Variants in LARS1 observed in about 807,000 individuals in gnomAD.
The protein encoded by LARS1 is leucyl-tRNA synthetase 1.
In LARS1, 100 loss-of-function variants were observed where a neutral mutation model predicts 162.8. That is an observed-to-expected ratio of 0.61 (90% CI 0.52 to 0.73). The LOEUF is 0.73. Among genes scored for constraint, LARS1 ranks in the 30% least tolerant of loss-of-function variants. The pLI is 0.00. For missense variants in LARS1, 1,258 were observed against 1,408.9 expected (o/e 0.89, Z 1.71); for synonymous variants, 457 against 462.8 (o/e 0.99, Z 0.16).
At position 146,140,235 on chromosome 5, in the gene LARS1, G is replaced by A. The variant is rs1752711844; in HGVS notation, c.2117C>T (p.Ala706Val). 2 of 1,611,514 alleles carry A rather than the reference G, an allele frequency of 1.2e-6. No homozygotes were observed. Among genetic ancestry groups the A allele is most frequent in the Non-Finnish European group, 8.5e-7 (1 of 1,177,736 alleles). Residue 706 changes from alanine (A) to valine (V), a missense_variant, in exon 21 of 32, where the codon GCA becomes GTA. Ala to Val is a moderately conservative substitution (Grantham distance 64, BLOSUM62 0). Transcript: ENST00000394434. ...AGAGTTCAGGAGGAGATGTCCATTTGCTCTCACAGCTGTAGGCCATTTGTC... is the reference window on the plus strand; with the variant it reads ...AGAGTTCAGGAGGAGATGTCCATTTACTCTCACAGCTGTAGGCCATTTGTC... ...QSDKWPTAVRANGHLLLNSEK... is the reference protein window; with the variant it reads ...QSDKWPTAVRVNGHLLLNSEK...
Position 146,131,004 on chromosome 5 carries a change from G to GA in LARS1, c.2487+14dup, listed in dbSNP as rs1752252990. 7 of 1,454,720 alleles carry GA rather than the reference G, an allele frequency of 4.8e-6. No homozygotes were observed. The highest frequency in any genetic ancestry group is 1.8e-4 in the Middle Eastern group (1 of 5,636). The allele number at this position is 1,454,720 out of a possible 1,614,324, so 90.1% of individuals were successfully genotyped here. A position where few individuals can be genotyped will look rare whatever the true frequency, so the allele number is the denominator to read the frequency against. On this transcript the variant is annotated intron_variant, in intron 24 of 31. Coordinates refer to ENST00000394434, the MANE Select transcript of LARS1 (RefSeq NM_020117.11). ...TTGACATGTTTTATAGCTACCAAAA[G>GA]AATCAACAGCCTACCTGAAACTCAA... is the stretch of plus-strand genomic sequence containing the variant.
At chr5:146,123,881 CA>C in intron 29 of LARS1, 100 bp downstream of exon 29, 1 of 567,650 alleles carries the variant, frequency 1.8e-6, no homozygotes, top group East Asian at 3.0e-5. Context: ...AGATACTAAA[CA>C]CAGAAGATGA....
intron 5 of LARS1, among the ~76,000 whole-genome samples, chr5:146,165,083 A>C (rs62373794): frequency 0.22 from 33,777 of 151,974 alleles, 4,786 homozygotes; most frequent in Admixed American, 0.33. Flanking sequence ...CACCTGTAAT[A>C]TCAGCACTTT....
At chr5:146,133,485 C>A (rs1273145580) in intron 22 of LARS1, among the ~76,000 whole-genome samples, 1 of 152,110 alleles carries the variant, frequency 6.6e-6, no homozygotes, top group Non-Finnish European at 1.5e-5. Context: ...AGAATACACA[C>A]TGGTGCCTTA....
In LARS1 at chr5:146,157,436, G is replaced by A. The variant is rs749791589; in HGVS notation, c.1032C>T (p.Gly344=). The stretch of plus-strand genomic sequence containing the variant: ...TTAATTCCTTAACAACAGGCACCAC[G>A]CCATTGTCTTTGGTAAAGCCCTGGT... ...MSYQGFTKDN[G]VVPVVKELMG... is the part of the protein sequence containing the mutation. The change falls in exon 10 of 32, where the codon GGC becomes GGT. Residue 344 remains glycine, a synonymous_variant. Coordinates refer to ENST00000394434, the MANE Select transcript of LARS1 (RefSeq NM_020117.11). 1.6e-5 allele frequency: 26 copies of A among 1,613,770 alleles called. No homozygotes were observed. Among genetic ancestry groups the A allele is most frequent in the Middle Eastern group, 3.3e-4 (2 of 6,084 alleles).
chr5:146,162,517 T>C (rs1017747564), intron 6 of LARS1, among the ~76,000 whole-genome samples: 1 of 152,206 alleles, frequency 6.6e-6, no homozygotes, highest in African/African-American at 2.4e-5. Context: ...GGCTTTATTT[T>C]TCCATTTACA....
At chr5:146,151,132 T>G (rs1411390363) in intron 14 of LARS1, among the ~76,000 whole-genome samples, 2 of 152,168 alleles carry the variant, frequency 1.3e-5, no homozygotes, top group African/African-American at 4.8e-5. Context: ...TACTTCAGAA[T>G]GGGGTTATTT....
chr5:146,138,709 A>G (rs1435004921), intron 21 of LARS1: 1 of 155,290 alleles, frequency 6.4e-6, no homozygotes. Context: ...ACCCTGGGCA[A>G]CAGTATGAGA....
At chr5:146,159,539 T>G (rs1753684208) in intron 7 of LARS1, 69 bp from the exon 8 acceptor site, 8 of 1,177,642 alleles carry the variant, frequency 6.8e-6, no homozygotes, top group Non-Finnish European at 1.0e-5. Flanking sequence ...TATTTGCCTG[T>G]GTTGCACCTA....
chr5:146,143,008 T>C lies in LARS1; in HGVS notation c.1954A>G (p.Lys652Glu). The C allele has an allele frequency of 2.5e-6, 4 of 1,614,006 alleles. No individual in the cohort carries two copies. Among genetic ancestry groups the C allele is most frequent in the South Asian group, 1.1e-5 (1 of 91,078 alleles). The change falls in exon 20 of 32, where the codon AAG becomes GAG. Residue 652 changes from lysine (K) to glutamate (E), a missense_variant. Physicochemically the swap from Lys to Glu is moderately conservative, Grantham distance 56. Coordinates refer to ENST00000394434, the MANE Select transcript of LARS1 (RefSeq NM_020117.11). ...EAPFPKTQIAKEKLDQLKQEF... is the reference protein window; with the variant it reads ...EAPFPKTQIAEEKLDQLKQEF... ...TGCTTTAACTGATCTAATTTTTCCT[T>C]TGCAATCTGAGTCTTAGGAAATGGA...
chr5:146,148,542 C>T (rs1368916722), intron 15 of LARS1, among the ~76,000 whole-genome samples: 1 of 152,092 alleles, frequency 6.6e-6, no homozygotes, highest in Non-Finnish European at 1.5e-5. Context: ...TAAGCCATGT[C>T]TCAAAAATGT....
chr5:146,122,620 T>C (rs761526829), intron 29 of LARS1, 33 bp from the exon 30 acceptor site: 2 of 1,216,564 alleles, frequency 1.6e-6, no homozygotes, highest in Non-Finnish European at 2.4e-6. Context: ...AAGTTATTAG[T>C]ATCACTTAAT....
intron 2 of LARS1, among the ~76,000 whole-genome samples, chr5:146,174,046 C>A (rs1461280755): frequency 6.8e-6 from 1 of 146,970 alleles, no homozygotes; most frequent in East Asian, 2.1e-4. Context: ...TTTTAAATTA[C>A]CTTAAAGTTA....
At chr5:146,161,718 A>C (rs1581068244) in intron 6 of LARS1, among the ~76,000 whole-genome samples, 1 of 149,834 alleles carries the variant, frequency 6.7e-6, no homozygotes, top group South Asian at 2.1e-4. Context: ...ATGCCATTGC[A>C]CTCCAGCCTG....
intron 19 of LARS1, 101 bp downstream of exon 19, chr5:146,143,311 A>G: frequency 1.4e-6 from 2 of 1,448,946 alleles, no homozygotes; most frequent in East Asian, 2.3e-5. Flanking sequence ...ATCATGACAA[A>G]ATTCTGTGAA....
intron 6 of LARS1, among the ~76,000 whole-genome samples, chr5:146,163,317 A>C (rs72822286): frequency 0.22 from 33,889 of 152,114 alleles, 4,829 homozygotes; most frequent in Admixed American, 0.34. Flanking sequence ...AACTTTCTCC[A>C]TATCTGCAAT....
chr5:146,177,957 G>A (rs1190709708), intron 1 of LARS1, among the ~76,000 whole-genome samples: 27 of 152,018 alleles, frequency 1.8e-4, no homozygotes, highest in Admixed American at 1.8e-3. Flanking sequence ...AATTAGCTGG[G>A]CGTGGTGGCG....
chr5:146,154,724 G>A (rs1314718963), intron 10 of LARS1, among the ~76,000 whole-genome samples: 1 of 152,106 alleles, frequency 6.6e-6, no homozygotes, highest in Non-Finnish European at 1.5e-5. Context: ...GTTGTAGTGA[G>A]CCAAGATCGT....
chr5:146,135,694 A>T, intron 21 of LARS1, 30 bp from the exon 22 acceptor site: 2 of 1,494,482 alleles, frequency 1.3e-6, no homozygotes, highest in East Asian at 2.3e-5. Flanking sequence ...ATCAATCATT[A>T]ATAACAGTAA....
Sources: gnomAD v4.1 joint callset for allele counts (sites outside exome capture counted in the v4.1 genomes callset) on GRCh38, gnomAD v4.1.1 for gene constraint, MANE v1.5 for transcripts, NCBI Gene and HGNC (gene_info 2026-07-23, HGNC 2026-07-21) for gene names.